Variants in BBX observed in about 807,000 individuals in gnomAD.
The protein encoded by BBX is BBX high mobility group box domain containing.
In BBX, 30 loss-of-function variants were observed where a neutral mutation model predicts 100.2. The observed-to-expected ratio is 0.30, with a 90% CI of 0.22 to 0.41. The LOEUF (loss-of-function observed/expected upper bound fraction) is 0.41, where lower values mean the gene tolerates loss of function less well. Ranked by LOEUF, BBX falls within the 10% of genes least tolerant of loss-of-function variation. The probability of loss-of-function intolerance (pLI) is 1.00; values close to 1 mark genes in which losing one functional copy is unlikely to be tolerated. For synonymous variants in BBX, 376 were observed against 388.1 expected, an observed-to-expected ratio of 0.97 and a Z score of 0.37; for missense variants, 1,023 against 1,129.8, an observed-to-expected ratio of 0.91 and a Z score of 1.35.
At chr3:107,727,952 G>A (rs867588068) in intron 5 of BBX, among the ~76,000 whole-genome samples, 3 of 152,138 alleles carry the variant, frequency 2.0e-5, no homozygotes, top group Admixed American at 6.6e-5. Flanking sequence ...GTAACGAATA[G>A]CAATAAATGT....
chr3:107,549,532 A>G (rs1025868288), intron 2 of BBX, among the ~76,000 whole-genome samples: 7 of 152,210 alleles, frequency 4.6e-5, no homozygotes, highest in Non-Finnish European at 7.3e-5. Flanking sequence ...GTCCTCTTCC[A>G]AGACATGCAC....
intron 2 of BBX, chr3:107,641,968 TTCTC>T (rs1315176038): frequency 2.6e-5 from 4 of 152,230 alleles, no homozygotes; most frequent in Admixed American, 2.0e-4. Flanking sequence ...GCAGTTATCT[TTCTC>T]TATATGAAGA....
intron 2 of BBX, among the ~76,000 whole-genome samples, chr3:107,578,257 A>G (rs2051957747): frequency 6.6e-6 from 1 of 152,184 alleles, no homozygotes. Context: ...AGAGGGAGAC[A>G]TGGGGGGAGT....
chr3:107,523,648 G>C (rs1559770375), intron 1 of BBX: 1 of 152,428 alleles, frequency 6.6e-6, no homozygotes, highest in African/African-American at 2.4e-5. Context: ...TCATCTCGGC[G>C]AAAGTACGTG....
At chr3:107,766,261 A>G (rs1386200169) in intron 10 of BBX, among the ~76,000 whole-genome samples, 1 of 152,238 alleles carries the variant, frequency 6.6e-6, no homozygotes, top group South Asian at 2.1e-4. Context: ...GATTATGCAT[A>G]AACTCTAATG....
At chr3:107,758,341 G>A (rs1010411185) in intron 10 of BBX, among the ~76,000 whole-genome samples, 2 of 152,134 alleles carry the variant, frequency 1.3e-5, no homozygotes, top group African/African-American at 2.4e-5. Context: ...GGAGAGACTC[G>A]GAATGGCCCG....
At chr3:107,596,864 G>A (rs1250395028) in intron 2 of BBX, among the ~76,000 whole-genome samples, 2 of 152,058 alleles carry the variant, frequency 1.3e-5, no homozygotes, top group African/African-American at 2.4e-5. Flanking sequence ...ATTTCCTGAG[G>A]GTCTAAATTG....
chr3:107,545,686 C>G (rs2049183053), intron 2 of BBX, among the ~76,000 whole-genome samples: 1 of 152,090 alleles, frequency 6.6e-6, no homozygotes, highest in African/African-American at 2.4e-5. Flanking sequence ...CTTTCTTGCT[C>G]CTCTTTAGGG....
chr3:107,625,121 C>T (rs558046959), intron 2 of BBX, among the ~76,000 whole-genome samples: 8 of 152,278 alleles, frequency 5.3e-5, no homozygotes, highest in Admixed American at 3.9e-4. Context: ...TTTTTGTTCT[C>T]TTTCTGAGAC....
At chr3:107,668,317 T>C (rs2058851461) in intron 3 of BBX, among the ~76,000 whole-genome samples, 1 of 152,232 alleles carries the variant, frequency 6.6e-6, no homozygotes, top group Non-Finnish European at 1.5e-5. Context: ...GTGTCTCATT[T>C]GAATGATGAC....
intron 2 of BBX, among the ~76,000 whole-genome samples, chr3:107,571,126 G>C (rs1013961184): frequency 2.0e-5 from 3 of 152,086 alleles, no homozygotes; most frequent in Non-Finnish European, 4.4e-5. Context: ...GGAGAAGAAG[G>C]GGGAATGGAG....
intron 3 of BBX, among the ~76,000 whole-genome samples, chr3:107,701,791 T>C (rs1362315282): frequency 1.3e-5 from 2 of 149,024 alleles, no homozygotes; most frequent in Admixed American, 1.3e-4. Flanking sequence ...AAATATGTTA[T>C]CTCTGCCTCA....
At position 107,774,979 on chromosome 3, in the gene BBX, A is replaced by G. The variant is rs1216734151; in HGVS notation, c.2054+122A>G. 1.0e-5 allele frequency: 12 copies of G among 1,188,284 alleles called. No homozygotes were observed. The East Asian group carries it at 2.6e-4, about 26-fold the overall frequency. The allele number at this position is 1,188,284 out of a possible 1,614,324, so 73.6% of individuals were successfully genotyped here. ...TTTGACTACTCGCTCAGGACTTCCTACAATCTTAGTAGGCACCCTAGTGAA... is the reference window on the plus strand; with the variant it reads ...TTTGACTACTCGCTCAGGACTTCCTGCAATCTTAGTAGGCACCCTAGTGAA... On this transcript the variant is annotated intron_variant, in intron 12 of 17. Coordinates refer to ENST00000325805, the MANE Select transcript of BBX (RefSeq NM_001142568.3).
At chr3:107,651,782 TC>T (rs2057853388) in intron 3 of BBX, among the ~76,000 whole-genome samples, 1 of 152,202 alleles carries the variant, frequency 6.6e-6, no homozygotes, top group African/African-American at 2.4e-5. Context: ...CTTTCTTTTT[TC>T]CCCTTTTTTC....
intron 10 of BBX, among the ~76,000 whole-genome samples, chr3:107,767,150 T>C (rs562635967): frequency 9.8e-5 from 15 of 152,362 alleles, no homozygotes; most frequent in African/African-American, 3.4e-4. Context: ...TTTATACCTA[T>C]GTGACAACTG....
chr3:107,610,537 A>T (rs996313610), intron 2 of BBX, among the ~76,000 whole-genome samples: 1 of 152,018 alleles, frequency 6.6e-6, no homozygotes, highest in Non-Finnish European at 1.5e-5. Flanking sequence ...TGTTGGGTGC[A>T]TATGTATTTA....
At chr3:107,618,192 T>C (rs1256250446) in intron 2 of BBX, among the ~76,000 whole-genome samples, 1 of 152,038 alleles carries the variant, frequency 6.6e-6, no homozygotes, top group Non-Finnish European at 1.5e-5. Flanking sequence ...TTTTTGAATA[T>C]GGACTCATCC....
intron 2 of BBX, among the ~76,000 whole-genome samples, chr3:107,539,236 G>C (rs563048863): frequency 1.3e-5 from 2 of 152,222 alleles, no homozygotes; most frequent in South Asian, 4.2e-4. Context: ...TATAAAGCTG[G>C]GTTAGGAATT....
chr3:107,726,605 C>T lies in BBX; in HGVS notation c.406-2160C>T, dbSNP rs183419036. On this transcript the variant is annotated intron_variant, in intron 5 of 17. Transcript: ENST00000325805. ...TTTTCCATAAAACCCCACGTATTCC[C>T]GGCCTTTCTCTTGCTCTCTGTTACT... 7.9e-5 allele frequency among the ~76,000 whole-genome samples: 12 copies of T among 152,110 alleles called. No individual in the cohort carries two copies. The South Asian group carries it at 1.0e-3, about 13-fold the overall frequency.
Sources: gnomAD v4.1 joint callset for allele counts (sites outside exome capture counted in the v4.1 genomes callset) on GRCh38, gnomAD v4.1.1 for gene constraint, MANE v1.5 for transcripts, NCBI Gene and HGNC (gene_info 2026-07-23, HGNC 2026-07-21) for gene names.